The following FCER1A variants were observed in gnomAD, a reference collection of about 807,000 sequenced individuals.
The protein encoded by FCER1A is high affinity immunoglobulin epsilon receptor subunit alpha.
A neutral mutation model predicts 23.6 loss-of-function variants in FCER1A; 24 were observed. That is an observed-to-expected ratio of 1.02 (90% CI 0.74 to 1.43). The LOEUF (loss-of-function observed/expected upper bound fraction) is 1.43. Ranked by LOEUF, FCER1A falls within the 40% of genes most tolerant of loss-of-function variation. The probability of loss-of-function intolerance (pLI) is 0.00; values close to 1 mark genes in which losing one functional copy is unlikely to be tolerated. For synonymous variants in FCER1A, 121 were observed against 108.8 expected, an observed-to-expected ratio of 1.11 and a Z score of -0.70; for missense variants, 318 against 294.5, an observed-to-expected ratio of 1.08 and a Z score of -0.58.
chr1:159,288,604 A>T (rs993171530), upstream of FCER1A, among the ~76,000 whole-genome samples: 1 of 152,098 alleles, frequency 6.6e-6, no homozygotes, highest in Non-Finnish European at 1.5e-5. Context: ...GCTCTACTGC[A>T]CTCTTATCAT....
chr1:159,300,513 C>A (rs1652403717), upstream of FCER1A, among the ~76,000 whole-genome samples: 1 of 152,144 alleles, frequency 6.6e-6, no homozygotes, highest in Admixed American at 6.5e-5. Context: ...CTTCTCCAAT[C>A]CTATCCAACA....
upstream of FCER1A, among the ~76,000 whole-genome samples, chr1:159,301,339 A>C (rs762200232): frequency 1.3e-5 from 2 of 152,224 alleles, no homozygotes. Context: ...TCCTGGAAGA[A>C]GGTTGAGCCT....
At chr1:159,296,127 T>G (rs1317362104) in intron 1 of FCER1A, among the ~76,000 whole-genome samples, 1 of 152,180 alleles carries the variant, frequency 6.6e-6, no homozygotes, top group East Asian at 1.9e-4. Context: ...TCAGCTGGTA[T>G]ATTTTTAACC....
At chr1:159,297,940 A>T (rs1267253801), upstream of FCER1A, among the ~76,000 whole-genome samples, 1 of 152,172 alleles carries the variant, frequency 6.6e-6, no homozygotes, top group Non-Finnish European at 1.5e-5. Flanking sequence ...GATCTTCCTC[A>T]GTGGGCTTAT....
At chr1:159,283,878 T>A in the FCER1A span, among the ~76,000 whole-genome samples, 1 of 152,138 alleles carries the variant, frequency 6.6e-6, no homozygotes, top group South Asian at 2.1e-4. Flanking sequence ...TTTTGAGAAT[T>A]CCTCCATGCT....
upstream of FCER1A, chr1:159,289,646 AAATCTAATT>A (rs1307918796): frequency 1.3e-5 from 2 of 152,300 alleles, no homozygotes; most frequent in East Asian, 3.9e-4. Flanking sequence ...AGGCACAATC[AAATCTAATT>A]AATTTTGATT....
intron 1 of FCER1A, among the ~76,000 whole-genome samples, chr1:159,290,837 GT>G (rs1652131669): frequency 6.7e-6 from 1 of 149,686 alleles, no homozygotes; most frequent in African/African-American, 2.5e-5. Context: ...TGGAAATCAA[GT>G]TTTTAATAAA....
rs1316090768 is a variant in FCER1A, at chr1:159,289,771, G to C, written c.-60+18G>C. 3 of 152,206 alleles carry C rather than the reference G, an allele frequency of 2.0e-5. No individual in the cohort carries two copies. The East Asian group carries it at 5.8e-4, about 29-fold the overall frequency. The allele number at this position is 152,206 out of a possible 1,614,324, so 9.4% of individuals were successfully genotyped here. On this transcript the variant is annotated intron_variant, in intron 1 of 5. Transcript: ENST00000368115. ...AGCATGGGGTAAGTTTATGGCTCCAGTGGCTTGTTATGTGTTGGGAGGTAA... is the reference window on the plus strand; with the variant it reads ...AGCATGGGGTAAGTTTATGGCTCCACTGGCTTGTTATGTGTTGGGAGGTAA...
upstream of FCER1A, among the ~76,000 whole-genome samples, chr1:159,298,936 T>C (rs1652361253): frequency 6.6e-6 from 1 of 152,140 alleles, no homozygotes; most frequent in African/African-American, 2.4e-5. Context: ...AAGTGTAGAC[T>C]CAATGAATAA....
intron 1 of FCER1A, among the ~76,000 whole-genome samples, chr1:159,290,360 A>G (rs761071480): frequency 5.9e-5 from 9 of 152,120 alleles, no homozygotes; most frequent in Non-Finnish European, 1.3e-4. Flanking sequence ...CAGGTCCATT[A>G]CTTCTAACCT....
rs879148822 is a variant in FCER1A at position 159,306,067 on chromosome 1, C to T, written c.411C>T (p.Asn137=). 6.2e-7 allele frequency: 1 copy of T among 1,614,010 alleles called. No homozygotes were observed. The highest frequency in any genetic ancestry group is 1.1e-5 in the South Asian group (1 of 91,078). ...TCCTCAGGTGCCATGGTTGGAGGAA[C>T]TGGGATGTGTACAAGGTGATCTATT... is the stretch of plus-strand genomic sequence containing the variant. ...PLFLRCHGWR[N]WDVYKVIYYK... Residue 137 remains asparagine (N), a synonymous_variant, in exon 4 of 5, where the codon AAC becomes AAT. Transcript: ENST00000693622.
At chr1:159,304,356 C>A (rs1018144063) in intron 3 of FCER1A, among the ~76,000 whole-genome samples, 174 bp downstream of exon 3, 1 of 152,096 alleles carries the variant, frequency 6.6e-6, no homozygotes, top group African/African-American at 2.4e-5. Context: ...AATCCCAGCA[C>A]TTTGGGAGGC....
intron 1 of FCER1A, among the ~76,000 whole-genome samples, chr1:159,293,300 G>A (rs1288042615): frequency 6.6e-6 from 1 of 151,370 alleles, no homozygotes; most frequent in Non-Finnish European, 1.5e-5. Context: ...TCATGATCTG[G>A]CCCCTATGTG....
chr1:159,306,604 A>G (rs891167058), intron 4 of FCER1A, among the ~76,000 whole-genome samples: 2 of 152,194 alleles, frequency 1.3e-5, no homozygotes, highest in African/African-American at 4.8e-5. Context: ...TATATTTATC[A>G]AATTGAAAAA....
At chr1:159,293,485 C>T (rs867427933) in intron 1 of FCER1A, among the ~76,000 whole-genome samples, 17 of 150,552 alleles carry the variant, frequency 1.1e-4, no homozygotes, top group South Asian at 2.1e-4. Context: ...GCTGGTGTGC[C>T]GCACCCATTA....
chr1:159,294,160 G>T (rs1478421688), intron 1 of FCER1A, among the ~76,000 whole-genome samples: 2 of 152,162 alleles, frequency 1.3e-5, no homozygotes, highest in Non-Finnish European at 2.9e-5. Flanking sequence ...AGTCAGTGTG[G>T]CCATTCCTCA....
At chr1:159,302,488 C>G (rs556940947) in intron 1 of FCER1A, 69 bp downstream of exon 1, 2 of 1,088,708 alleles carry the variant, frequency 1.8e-6, no homozygotes, top group Non-Finnish European at 2.9e-6. Flanking sequence ...GGGGTAGGAA[C>G]CTTTACTGTG....
chr1:159,295,727 G>GGCCC (rs1217301631), intron 1 of FCER1A, among the ~76,000 whole-genome samples: 1 of 152,092 alleles, frequency 6.6e-6, no homozygotes, highest in Non-Finnish European at 1.5e-5. Flanking sequence ...TGCGGATCAG[G>GGCCC]GCCCCTATTC....
chr1:159,289,625 T>A (rs1016493981), upstream of FCER1A: 7 of 152,222 alleles, frequency 4.6e-5, no homozygotes, highest in Non-Finnish European at 8.8e-5. Context: ...AACAGTCTCA[T>A]TGGAGTTATT....
Sources: gnomAD v4.1 joint callset for allele counts (sites outside exome capture counted in the v4.1 genomes callset) on GRCh38, gnomAD v4.1.1 for gene constraint, MANE v1.5 for transcripts, NCBI Gene and HGNC (gene_info 2026-07-23, HGNC 2026-07-21) for gene names.